The following HIVEP3 variants were observed in gnomAD, a reference collection of about 807,000 sequenced individuals.
HIVEP3 encodes HIVEP zinc finger 3.
A neutral mutation model predicts 152.8 loss-of-function variants in HIVEP3; 49 were observed. The observed-to-expected ratio is 0.32, with a 90% CI of 0.26 to 0.41. HIVEP3 has a LOEUF of 0.41. HIVEP3 is among the 10% of genes least tolerant of loss of function. The probability of loss-of-function intolerance (pLI) is 1.00; values close to 1 mark genes in which losing one functional copy is unlikely to be tolerated. For synonymous variants in HIVEP3, 1,269 were observed against 1,289.0 expected, an observed-to-expected ratio of 0.98 and a Z score of 0.33; for missense variants, 2,790 against 3,103.3, an observed-to-expected ratio of 0.90 and a Z score of 2.40.
At position 41,865,797 on chromosome 1, in the gene HIVEP3, AGTGC is replaced by A. The variant is rs1188139846; in HGVS notation, c.-801+52612_-801+52615del. Among the ~76,000 whole-genome samples the A allele has an allele frequency of 2.2e-4, 33 of 152,230 alleles. 1 individual carries two copies. The highest frequency in any genetic ancestry group is 8.0e-4 in the African/African-American group (33 of 41,442). On this transcript the variant is annotated intron_variant, in intron 1 of 8. Transcript: ENST00000372583. The stretch of plus-strand genomic sequence containing the variant: ...ACAGCAATAGCAAGAAGGAGGACAA[AGTGC>A]AACAGCTTTAACTATGAGCTAATAC...
intron 1 of HIVEP3, among the ~76,000 whole-genome samples, chr1:41,769,160 G>T (rs1648192905): frequency 6.6e-6 from 1 of 152,116 alleles, no homozygotes; most frequent in African/African-American, 2.4e-5. Context: ...TGACTTTCAG[G>T]TACCTTGGAC....
chr1:41,622,229 T>C (rs1345790843), intron 3 of HIVEP3, among the ~76,000 whole-genome samples: 3 of 152,074 alleles, frequency 2.0e-5, no homozygotes, highest in African/African-American at 7.2e-5. Flanking sequence ...AACTTGCATA[T>C]ATGACCAGGG....
intron 1 of HIVEP3, among the ~76,000 whole-genome samples, chr1:41,955,893 G>C (rs1183476739): frequency 6.6e-6 from 1 of 152,248 alleles, no homozygotes; most frequent in East Asian, 1.9e-4. Flanking sequence ...CGGGACTTAA[G>C]TTATTTCTGG....
chr1:41,741,060 A>G (rs1359739721), intron 1 of HIVEP3, among the ~76,000 whole-genome samples: 1 of 152,172 alleles, frequency 6.6e-6, no homozygotes, highest in African/African-American at 2.4e-5. Context: ...ACATTTTCAC[A>G]TGTGGTATCT....
intron 1 of HIVEP3, among the ~76,000 whole-genome samples, chr1:42,033,541 CA>C (rs1645624996): frequency 8.6e-6 from 1 of 116,858 alleles, no homozygotes; most frequent in African/African-American, 2.6e-5. Context: ...TTCTTATCTG[CA>C]TTGACTTATC....
rs35624100 is a variant in HIVEP3, at chr1:41,580,820, A to G, written c.3978T>C (p.Asn1326=). Residue 1326 remains asparagine, a synonymous_variant, in exon 4 of 9, where the codon AAT becomes AAC. Coordinates refer to ENST00000372583, the MANE Select transcript of HIVEP3 (RefSeq NM_024503.5). ...ACATTGCGCTCCCATAGGACGGCAT[A>G]TTGGTCTGAACACGGACAGGCACAA... ...SLVVPVRVQT[N]MPSYGSAMYT... 0.012 allele frequency: 18,267 copies of G among 1,582,852 alleles called. 142 individuals are homozygous for G. The highest frequency in any genetic ancestry group is 0.013 in the Non-Finnish European group (15,525 of 1,164,440).
At position 41,580,034 on chromosome 1, in the gene HIVEP3, G is replaced by A. The variant is rs1479720974; in HGVS notation, c.4764C>T (p.Asp1588=). The part of the protein sequence containing the change: ...SRPAKSQEGT[D]SKKVLQFPSL... Reference sequence around the variant, plus strand: ...TGGGGAACTGCAGTACCTTCTTTGAGTCCGTACCTTCTTGTGACTTGGCTG... The same window carrying A: ...TGGGGAACTGCAGTACCTTCTTTGAATCCGTACCTTCTTGTGACTTGGCTG... The change falls in exon 4 of 9, where the codon GAC becomes GAT. Residue 1588 remains aspartate (D), a synonymous_variant. Coordinates refer to ENST00000372583, the MANE Select transcript of HIVEP3 (RefSeq NM_024503.5). 7.4e-6 allele frequency: 12 copies of A among 1,614,224 alleles called. No individual in the cohort carries two copies. The East Asian group carries it at 1.1e-4, about 15-fold the overall frequency.
chr1:41,631,398 G>A (rs867654061), intron 2 of HIVEP3, among the ~76,000 whole-genome samples: 4 of 152,274 alleles, frequency 2.6e-5, no homozygotes, highest in Middle Eastern at 3.4e-3. Flanking sequence ...TGCCTGGCAC[G>A]GCCCACGTAA....
At chr1:41,793,777 C>T (rs1259492148) in intron 1 of HIVEP3, among the ~76,000 whole-genome samples, 1 of 152,152 alleles carries the variant, frequency 6.6e-6, no homozygotes, top group South Asian at 2.1e-4. Context: ...GCATATAGGC[C>T]CTTTGAGGAA....
At chr1:41,909,575 C>T (rs530015560) in intron 1 of HIVEP3, among the ~76,000 whole-genome samples, 4 of 152,078 alleles carry the variant, frequency 2.6e-5, no homozygotes, top group African/African-American at 7.2e-5. Flanking sequence ...AACAAGCATA[C>T]AAACATCAGT....
intron 5 of HIVEP3, among the ~76,000 whole-genome samples, chr1:41,548,228 T>C (rs1355937091): frequency 1.3e-5 from 2 of 152,220 alleles, no homozygotes; most frequent in Non-Finnish European, 2.9e-5. Flanking sequence ...AGCATTGACA[T>C]GTCCCAAGCA....
chr1:41,639,888 T>C (rs1645346135), intron 2 of HIVEP3, among the ~76,000 whole-genome samples: 1 of 152,118 alleles, frequency 6.6e-6, no homozygotes, highest in Non-Finnish European at 1.5e-5. Flanking sequence ...AGACAGGCAA[T>C]GGAGCCCAGT....
At chr1:41,854,071 C>A (rs1056294672) in intron 1 of HIVEP3, among the ~76,000 whole-genome samples, 3 of 152,170 alleles carry the variant, frequency 2.0e-5, no homozygotes, top group Admixed American at 1.3e-4. Flanking sequence ...GTACCTAGGG[C>A]CACCTGTTGT....
intron 1 of HIVEP3, among the ~76,000 whole-genome samples, chr1:42,005,539 C>T (rs887874307): frequency 2.0e-5 from 3 of 152,122 alleles, no homozygotes; most frequent in Non-Finnish European, 4.4e-5. Flanking sequence ...AAGGCTCAAA[C>T]GATGGGGGGC....
intron 1 of HIVEP3, among the ~76,000 whole-genome samples, chr1:41,714,439 T>C (rs915847643): frequency 6.6e-6 from 1 of 152,206 alleles, no homozygotes; most frequent in East Asian, 1.9e-4. Context: ...TACTGTCACC[T>C]CTAATGACTG....
chr1:41,681,071 C>T (rs1366403241), intron 2 of HIVEP3, among the ~76,000 whole-genome samples: 1 of 150,318 alleles, frequency 6.7e-6, no homozygotes, highest in Non-Finnish European at 1.5e-5. Context: ...TCTTATCATT[C>T]CCCAGAAGCT....
At chr1:41,733,521 T>C (rs1195039830) in intron 1 of HIVEP3, among the ~76,000 whole-genome samples, 6 of 152,184 alleles carry the variant, frequency 3.9e-5, no homozygotes, top group African/African-American at 1.4e-4. Flanking sequence ...GCCGAGACCC[T>C]CAAAGCTCAC....
intron 1 of HIVEP3, among the ~76,000 whole-genome samples, chr1:41,991,632 T>C (rs1472104391): frequency 1.3e-5 from 2 of 151,724 alleles, no homozygotes; most frequent in Non-Finnish European, 1.5e-5. Flanking sequence ...GAGGGAATCC[T>C]CCCTAACTCA....
chr1:41,587,794 C>A (rs1446562376), intron 3 of HIVEP3, among the ~76,000 whole-genome samples: 1 of 152,136 alleles, frequency 6.6e-6, no homozygotes, highest in African/African-American at 2.4e-5. Flanking sequence ...CCTCTTGACC[C>A]CCCAGCCAGG....
Sources: gnomAD v4.1 joint callset for allele counts (sites outside exome capture counted in the v4.1 genomes callset) on GRCh38, gnomAD v4.1.1 for gene constraint, MANE v1.5 for transcripts, NCBI Gene and HGNC (gene_info 2026-07-23, HGNC 2026-07-21) for gene names.